Variants in STXBP5 observed in about 807,000 individuals in gnomAD.
STXBP5 encodes the protein syntaxin-binding protein 5.
A neutral mutation model predicts 152.4 loss-of-function variants in STXBP5; 50 were observed. The ratio of observed to expected loss-of-function variants is 0.33; its 90% CI spans 0.26 to 0.42. STXBP5 has a LOEUF of 0.42. Among genes scored for constraint, STXBP5 ranks in the 10% least tolerant of loss-of-function variants. The pLI, the probability that STXBP5 is intolerant of heterozygous loss-of-function variation, is 1.00. For synonymous variants in STXBP5, 492 were observed against 494.7 expected (o/e 0.99, Z 0.07); for missense variants, 1,167 against 1,388.6 (o/e 0.84, Z 2.54).
chr6:147,324,264 GT>G (rs1179573055), intron 16 of STXBP5, among the ~76,000 whole-genome samples: 1,667 of 57,970 alleles, frequency 0.029, 4 homozygotes, highest in East Asian at 0.12. Flanking sequence ...TTTTTTTTTG[GT>G]TTTTTTTTTT....
chr6:147,351,601 C>T (rs1378749596), intron 21 of STXBP5, among the ~76,000 whole-genome samples: 1 of 152,134 alleles, frequency 6.6e-6, no homozygotes, highest in Non-Finnish European at 1.5e-5. Flanking sequence ...CAACTAACTG[C>T]AGATGTTATT....
chr6:147,223,730 C>T (rs970454565), intron 2 of STXBP5, among the ~76,000 whole-genome samples: 1 of 152,136 alleles, frequency 6.6e-6, no homozygotes, highest in African/African-American at 2.4e-5. Flanking sequence ...GGCATGACAT[C>T]TGTAATTTTT....
intron 21 of STXBP5, among the ~76,000 whole-genome samples, chr6:147,340,505 C>T (rs1349878941): frequency 6.6e-6 from 1 of 151,958 alleles, no homozygotes; most frequent in Admixed American, 6.6e-5. Context: ...CACTATGGCA[C>T]AATAGTCTTT....
At chr6:147,275,656 C>A (rs2128340121) in intron 7 of STXBP5, among the ~76,000 whole-genome samples, 1 of 145,430 alleles carries the variant, frequency 6.9e-6, no homozygotes, top group Admixed American at 7.2e-5. Context: ...CTCCCGGGTT[C>A]ACGCCATTCT....
chr6:147,281,482 G>A (rs974311149), intron 8 of STXBP5, among the ~76,000 whole-genome samples: 5 of 152,150 alleles, frequency 3.3e-5, no homozygotes, highest in African/African-American at 1.2e-4. Flanking sequence ...CTGTTTCGAT[G>A]GATTGAAATT....
chr6:147,237,987 A>G (rs887669036), intron 3 of STXBP5, among the ~76,000 whole-genome samples: 7 of 152,212 alleles, frequency 4.6e-5, no homozygotes, highest in African/African-American at 9.6e-5. Flanking sequence ...GCTCTAGTCT[A>G]GACAGTCTTA....
At chr6:147,360,732 C>G (rs1785027775) in intron 23 of STXBP5, among the ~76,000 whole-genome samples, 2 of 152,086 alleles carry the variant, frequency 1.3e-5, no homozygotes, top group African/African-American at 4.8e-5. Flanking sequence ...AAAAATAGTA[C>G]TAGACTTCAT....
chr6:147,336,656 T>C (rs1783839244), intron 19 of STXBP5, among the ~76,000 whole-genome samples: 2 of 152,094 alleles, frequency 1.3e-5, no homozygotes, highest in African/African-American at 4.8e-5. Context: ...AGTTGAGTGA[T>C]GCATTATAGA....
chr6:147,218,202 A>G (rs539332620), intron 2 of STXBP5, among the ~76,000 whole-genome samples: 3 of 152,266 alleles, frequency 2.0e-5, no homozygotes, highest in African/African-American at 7.2e-5. Flanking sequence ...ATTTTCATCC[A>G]AAGTCCATAG....
chr6:147,304,503 A>T (rs1263067838), intron 9 of STXBP5, among the ~76,000 whole-genome samples: 1 of 152,136 alleles, frequency 6.6e-6, no homozygotes, highest in Non-Finnish European at 1.5e-5. Context: ...GTGGATGGGA[A>T]ATGTGGAGTC....
At chr6:147,216,933 A>C (rs2115062749) in intron 2 of STXBP5, among the ~76,000 whole-genome samples, 1 of 152,354 alleles carries the variant, frequency 6.6e-6, no homozygotes, top group South Asian at 2.1e-4. Flanking sequence ...AGCAAGTTTT[A>C]AACAATTGGA....
intron 2 of STXBP5, among the ~76,000 whole-genome samples, chr6:147,229,743 A>T (rs117793403): frequency 0.035 from 5,365 of 151,794 alleles, 146 homozygotes; most frequent in Admixed American, 0.054. Context: ...TTTTTTATTC[A>T]TTCCAGTTTT....
intron 26 of STXBP5, among the ~76,000 whole-genome samples, chr6:147,380,653 AAAG>A (rs1321249008): frequency 6.6e-6 from 1 of 152,116 alleles, no homozygotes; most frequent in Admixed American, 6.6e-5. Context: ...AGGAAAAAAA[AAAG>A]ATTGATTGGA....
intron 15 of STXBP5, 99 bp downstream of exon 15, chr6:147,315,834 G>T (rs920746654): frequency 9.2e-7 from 1 of 1,090,888 alleles, no homozygotes; most frequent in Non-Finnish European, 1.3e-6. Flanking sequence ...GTTTTGTGCA[G>T]AACTTTTGAA....
intron 17 of STXBP5, among the ~76,000 whole-genome samples, chr6:147,325,415 A>G (rs1783197499): frequency 6.6e-6 from 1 of 152,210 alleles, no homozygotes; most frequent in Non-Finnish European, 1.5e-5. Flanking sequence ...TGGAAATCTA[A>G]CAATATGAAC....
chr6:147,312,476 C>T (rs1361540707), intron 11 of STXBP5, among the ~76,000 whole-genome samples: 2 of 152,116 alleles, frequency 1.3e-5, no homozygotes, highest in Admixed American at 6.6e-5. Context: ...CCCCCAGCCC[C>T]GCCCTTCTCC....
chr6:147,358,965 A>T (rs1784935538), intron 22 of STXBP5, 119 bp from the exon 23 acceptor site: 1 of 1,160,722 alleles, frequency 8.6e-7, no homozygotes, highest in Non-Finnish European at 1.2e-6. Flanking sequence ...TGAATATTAA[A>T]TATGACGTAG....
chr6:147,376,425 T>G (rs1785813522), intron 26 of STXBP5, among the ~76,000 whole-genome samples: 1 of 152,142 alleles, frequency 6.6e-6, no homozygotes, highest in Admixed American at 6.6e-5. Flanking sequence ...AAACAGATAG[T>G]ACATAAAGCA....
At chr6:147,218,734 A>G (rs1777307473) in intron 2 of STXBP5, among the ~76,000 whole-genome samples, 1 of 152,178 alleles carries the variant, frequency 6.6e-6, no homozygotes, top group South Asian at 2.1e-4. Context: ...CACATCCCAA[A>G]GTGCTGGGGT....
Sources: gnomAD v4.1 joint callset for allele counts (sites outside exome capture counted in the v4.1 genomes callset) on GRCh38, gnomAD v4.1.1 for gene constraint, MANE v1.5 for transcripts, NCBI Gene and HGNC (gene_info 2026-07-23, HGNC 2026-07-21) for gene names.